Variants in SPIDR observed in about 807,000 individuals in gnomAD.
SPIDR encodes the protein scaffold protein involved in DNA repair.
A neutral mutation model predicts 104.6 loss-of-function variants in SPIDR; 93 were observed. That is an observed-to-expected ratio of 0.89 (90% CI 0.75 to 1.06). SPIDR has a LOEUF of 1.06. SPIDR is among the 50% of genes least tolerant of loss of function. The probability of loss-of-function intolerance (pLI) is 0.00; values close to 1 mark genes in which losing one functional copy is unlikely to be tolerated. For synonymous variants in SPIDR, 431 were observed against 416.9 expected (o/e 1.03, Z -0.41); for missense variants, 1,154 against 1,111.2 (o/e 1.04, Z -0.55).
chr8:47,621,394 GCATGT>G (rs2065153088), intron 10 of SPIDR, among the ~76,000 whole-genome samples: 1 of 152,158 alleles, frequency 6.6e-6, no homozygotes, highest in Non-Finnish European at 1.5e-5. Flanking sequence ...AATCATCTGG[GCATGT>G]CATGTAGTCT....
chr8:47,423,554 A>G (rs1445601055), intron 7 of SPIDR, among the ~76,000 whole-genome samples: 1 of 152,166 alleles, frequency 6.6e-6, no homozygotes, highest in African/African-American at 2.4e-5. Context: ...GTGAGCCGAG[A>G]TCACGCCACT....
rs765831282 is a variant in SPIDR at position 47,646,188 on chromosome 8, T to TA, written c.1545-27607dup. Among the ~76,000 whole-genome samples the TA allele has an allele frequency of 8.5e-5, 13 of 152,200 alleles. 1 individual carries two copies. Among genetic ancestry groups the TA allele is most frequent in the Non-Finnish European group, 1.5e-4 (10 of 68,034 alleles). On this transcript the variant is annotated intron_variant, in intron 10 of 19. Transcript: ENST00000297423. ...GGAAAAGATGCTCAATGTCTCATGA[T>TA]AAAAAATATGAATTAAAATAACACT...
At chr8:47,587,009 A>G (rs933169628) in intron 8 of SPIDR, among the ~76,000 whole-genome samples, 3 of 152,114 alleles carry the variant, frequency 2.0e-5, no homozygotes, top group African/African-American at 7.2e-5. Context: ...ATCTCAGTTG[A>G]TCCGTCAGCC....
At chr8:47,279,833 G>A (rs1387572734) in intron 1 of SPIDR, 29 bp from the exon 2 acceptor site, 64 of 1,566,294 alleles carry the variant, frequency 4.1e-5, no homozygotes, top group African/African-American at 5.5e-5. Flanking sequence ...TTTTTGTTTC[G>A]ATTTTTCTTT....
At chr8:47,420,463 G>C (rs1554679301) in intron 7 of SPIDR, among the ~76,000 whole-genome samples, 1 of 151,864 alleles carries the variant, frequency 6.6e-6, no homozygotes, top group Non-Finnish European at 1.5e-5. Context: ...TTTTCCATTT[G>C]CTTTTAGATC....
intron 10 of SPIDR, among the ~76,000 whole-genome samples, chr8:47,637,505 G>T (rs1483674701): frequency 1.3e-5 from 2 of 152,118 alleles, no homozygotes; most frequent in South Asian, 2.1e-4. Context: ...AGGAGGCAGA[G>T]GTTGCAATGA....
intron 5 of SPIDR, among the ~76,000 whole-genome samples, chr8:47,335,749 C>T (rs568767863): frequency 6.6e-6 from 1 of 152,288 alleles, no homozygotes; most frequent in East Asian, 1.9e-4. Flanking sequence ...ATGCCCAGGC[C>T]TCTCACAACA....
At chr8:47,470,941 A>G (rs1413963124) in intron 8 of SPIDR, among the ~76,000 whole-genome samples, 2 of 152,054 alleles carry the variant, frequency 1.3e-5, no homozygotes, top group Non-Finnish European at 2.9e-5. Context: ...TCACCGTGTT[A>G]GCCAGGATGG....
In SPIDR at chr8:47,440,489, T is replaced by G. The variant is rs781893676; in HGVS notation, c.1044T>G (p.Thr348=). ...TGAAAGTTCTCTTCACCAAGGAGAC[T>G]GCAGGCTACCTCAGGGGCCGTCCCC... The part of the protein sequence containing the change: ...AGLKVLFTKE[T]AGYLRGRPQD... Residue 348 remains threonine (T), a synonymous_variant, in exon 8 of 20, where the codon ACT becomes ACG. Coordinates refer to ENST00000297423, the MANE Select transcript of SPIDR (RefSeq NM_001080394.4). 1.2e-6 allele frequency: 2 copies of G among 1,614,108 alleles called. No homozygotes were observed. The highest frequency in any genetic ancestry group is 2.7e-5 in the African/African-American group (2 of 74,948).
At chr8:47,582,257 A>G (rs2059786008) in intron 8 of SPIDR, among the ~76,000 whole-genome samples, 1 of 151,684 alleles carries the variant, frequency 6.6e-6, no homozygotes, top group African/African-American at 2.4e-5. Context: ...TAAGGTAGTT[A>G]TAGTAATCTA....
At chr8:47,676,230 A>G (rs1007156193) in intron 11 of SPIDR, among the ~76,000 whole-genome samples, 1 of 152,368 alleles carries the variant, frequency 6.6e-6, no homozygotes, top group Non-Finnish European at 1.5e-5. Context: ...GCCATGGGAA[A>G]TGCATTGAGT....
chr8:47,699,961 A>G (rs1355478613), intron 11 of SPIDR, among the ~76,000 whole-genome samples: 1 of 152,248 alleles, frequency 6.6e-6, no homozygotes, highest in Non-Finnish European at 1.5e-5. Context: ...CTACTCAGAT[A>G]ACCACTAAAA....
At chr8:47,380,592 C>G (rs2059216016) in intron 5 of SPIDR, among the ~76,000 whole-genome samples, 1 of 152,012 alleles carries the variant, frequency 6.6e-6, no homozygotes, top group Non-Finnish European at 1.5e-5. Flanking sequence ...TTGGGCTCCT[C>G]AGAGCAGGTG....
intron 1 of SPIDR, among the ~76,000 whole-genome samples, chr8:47,271,874 A>G (rs1306327896): frequency 2.6e-5 from 4 of 151,760 alleles, no homozygotes; most frequent in Non-Finnish European, 4.4e-5. Flanking sequence ...TGCAGCCTCC[A>G]CCTCCCGGGT....
At chr8:47,301,309 T>TCCG (rs2042041955) in intron 5 of SPIDR, among the ~76,000 whole-genome samples, 1 of 152,184 alleles carries the variant, frequency 6.6e-6, no homozygotes, top group Non-Finnish European at 1.5e-5. Flanking sequence ...TAGATCTTCC[T>TCCG]TCATCCTTTA....
At chr8:47,659,668 C>T (rs1221161252) in intron 10 of SPIDR, 1 of 962,256 alleles carries the variant, frequency 1.0e-6, no homozygotes, top group Non-Finnish European at 1.2e-6. Flanking sequence ...CCCGCCTTTT[C>T]TCAGCGGCTC....
intron 5 of SPIDR, among the ~76,000 whole-genome samples, chr8:47,344,759 G>A (rs1158120289): frequency 3.3e-5 from 5 of 152,138 alleles, no homozygotes; most frequent in Non-Finnish European, 7.4e-5. Context: ...TGCTGCATAA[G>A]TGTCTTCTTT....
chr8:47,556,896 G>A (rs867137238), intron 8 of SPIDR, among the ~76,000 whole-genome samples: 21 of 152,210 alleles, frequency 1.4e-4, no homozygotes, highest in South Asian at 4.1e-4. Context: ...GAACCACCGC[G>A]CCCAGCCAGC....
At chr8:47,635,787 T>C (rs1397968991) in intron 10 of SPIDR, among the ~76,000 whole-genome samples, 1 of 152,164 alleles carries the variant, frequency 6.6e-6, no homozygotes, top group Admixed American at 6.5e-5. Context: ...GTGAAGGTGC[T>C]TCTGACCTCT....
Sources: gnomAD v4.1 joint callset for allele counts (sites outside exome capture counted in the v4.1 genomes callset) on GRCh38, gnomAD v4.1.1 for gene constraint, MANE v1.5 for transcripts, NCBI Gene and HGNC (gene_info 2026-07-23, HGNC 2026-07-21) for gene names.